The following VWC2L variants were observed in gnomAD, a reference collection of about 807,000 sequenced individuals.
VWC2L encodes von Willebrand factor C domain-containing protein 2-like.
In VWC2L, 10 loss-of-function variants were observed where a neutral mutation model predicts 21.6. The ratio of observed to expected loss-of-function variants is 0.46; its 90% CI spans 0.29 to 0.78. The LOEUF is 0.78. Ranked by LOEUF, VWC2L falls within the 30% of genes least tolerant of loss-of-function variation. The pLI, the probability that VWC2L is intolerant of heterozygous loss-of-function variation, is 0.10. For synonymous variants in VWC2L, 96 were observed against 94.3 expected, an observed-to-expected ratio of 1.02 and a Z score of -0.10; for missense variants, 209 against 277.1, an observed-to-expected ratio of 0.75 and a Z score of 1.74.
chr2:214,415,201 T>C (rs2126168860), intron 2 of VWC2L: 1 of 152,326 alleles, frequency 6.6e-6, no homozygotes, highest in Admixed American at 6.5e-5. Flanking sequence ...AAAAAGACTG[T>C]AATTTTTTTC....
chr2:214,547,986 C>A (rs1689736574), intron 3 of VWC2L, among the ~76,000 whole-genome samples: 2 of 152,198 alleles, frequency 1.3e-5, no homozygotes, highest in Non-Finnish European at 1.5e-5. Context: ...GTTTTTATTT[C>A]TTCTTCCAGA....
chr2:214,558,060 A>C (rs1256151649), intron 3 of VWC2L, among the ~76,000 whole-genome samples: 2 of 152,220 alleles, frequency 1.3e-5, no homozygotes, highest in Non-Finnish European at 2.9e-5. Flanking sequence ...AAGCAAGGTC[A>C]CCAAGGAGCT....
chr2:214,509,657 G>C (rs973355605), intron 3 of VWC2L, among the ~76,000 whole-genome samples: 1 of 152,130 alleles, frequency 6.6e-6, no homozygotes, highest in East Asian at 1.9e-4. Context: ...CTGTGTTTTT[G>C]AGAAGTGAAT....
chr2:214,437,248 T>C (rs1486663594), intron 3 of VWC2L, among the ~76,000 whole-genome samples: 1 of 152,172 alleles, frequency 6.6e-6, no homozygotes, highest in Non-Finnish European at 1.5e-5. Context: ...ATTGAAGTAA[T>C]AAAGATTAAA....
intron 3 of VWC2L, among the ~76,000 whole-genome samples, chr2:214,530,804 A>G (rs1256421818): frequency 1.3e-5 from 2 of 152,206 alleles, no homozygotes; most frequent in Non-Finnish European, 2.9e-5. Flanking sequence ...TCATAAGCAA[A>G]GCTCATTACT....
intron 3 of VWC2L, among the ~76,000 whole-genome samples, chr2:214,507,758 C>A (rs1688987609): frequency 6.6e-6 from 1 of 152,156 alleles, no homozygotes; most frequent in Non-Finnish European, 1.5e-5. Context: ...TATTGAACAG[C>A]CTTGGAGACA....
chr2:214,498,034 G>A (rs1487434692), intron 3 of VWC2L, among the ~76,000 whole-genome samples: 1 of 152,094 alleles, frequency 6.6e-6, no homozygotes, highest in East Asian at 1.9e-4. Context: ...TGTGGCTGAA[G>A]CTAACAGAGG....
intron 3 of VWC2L, among the ~76,000 whole-genome samples, chr2:214,518,096 G>T (rs2105909549): frequency 6.6e-6 from 1 of 152,176 alleles, no homozygotes; most frequent in East Asian, 1.9e-4. Context: ...AACTCAGGAG[G>T]CCGAGCTTGC....
chr2:214,516,563 C>A (rs542488054), intron 3 of VWC2L, among the ~76,000 whole-genome samples: 3 of 151,806 alleles, frequency 2.0e-5, no homozygotes, highest in African/African-American at 7.3e-5. Flanking sequence ...TTCTTTTAAT[C>A]TAAAGAGTGC....
chr2:214,517,363 G>T (rs765056001), intron 3 of VWC2L, among the ~76,000 whole-genome samples: 1 of 152,184 alleles, frequency 6.6e-6, no homozygotes, highest in Non-Finnish European at 1.5e-5. Context: ...AGGTGGAGTT[G>T]CTGCAGGTAA....
chr2:214,484,118 C>T (rs1474268583), intron 3 of VWC2L, among the ~76,000 whole-genome samples: 1 of 152,140 alleles, frequency 6.6e-6, no homozygotes, highest in East Asian at 1.9e-4. Flanking sequence ...CCCTATGCGC[C>T]TGCGTGTCTG....
chr2:214,446,148 C>T (rs1483621972), intron 3 of VWC2L, among the ~76,000 whole-genome samples: 1 of 152,162 alleles, frequency 6.6e-6, no homozygotes, highest in African/African-American at 2.4e-5. Context: ...TAGTGATAAG[C>T]ATAACAGACA....
intron 1 of VWC2L, among the ~76,000 whole-genome samples, chr2:214,412,820 G>A (rs1234858704): frequency 4.6e-5 from 7 of 152,008 alleles, no homozygotes; most frequent in Non-Finnish European, 1.0e-4. Context: ...AATATAATCT[G>A]AAAATAAACC....
chr2:214,443,724 T>G (rs1356442420), intron 3 of VWC2L, among the ~76,000 whole-genome samples: 1 of 152,204 alleles, frequency 6.6e-6, no homozygotes, highest in East Asian at 1.9e-4. Context: ...GAGTTATGTT[T>G]GGTAGGTAAA....
intron 3 of VWC2L, among the ~76,000 whole-genome samples, chr2:214,531,933 G>A (rs1689442415): frequency 6.6e-6 from 1 of 152,098 alleles, no homozygotes; most frequent in Non-Finnish European, 1.5e-5. Context: ...GTAATCTACA[G>A]TGTTTCAATC....
intron 3 of VWC2L, among the ~76,000 whole-genome samples, chr2:214,557,138 G>T (rs528511512): frequency 6.6e-6 from 1 of 152,242 alleles, no homozygotes; most frequent in South Asian, 2.1e-4. Flanking sequence ...ACATGCTGCT[G>T]ATAAAGACAT....
chr2:214,496,706 C>T (rs1487272365), intron 3 of VWC2L, among the ~76,000 whole-genome samples: 1 of 152,134 alleles, frequency 6.6e-6, no homozygotes, highest in Non-Finnish European at 1.5e-5. Flanking sequence ...ACAATTAAAA[C>T]TTCAATAATT....
intron 3 of VWC2L, among the ~76,000 whole-genome samples, chr2:214,569,875 C>G (rs1014553234): frequency 6.6e-6 from 1 of 152,100 alleles, no homozygotes; most frequent in Non-Finnish European, 1.5e-5. Flanking sequence ...TGCTTAACAT[C>G]GTAAGTAAAC....
chr2:214,543,223 T>C (rs917036608), intron 3 of VWC2L, among the ~76,000 whole-genome samples: 4 of 152,214 alleles, frequency 2.6e-5, no homozygotes, highest in African/African-American at 9.6e-5. Context: ...AATGGTTTCA[T>C]TAACACATGT....
Sources: gnomAD v4.1 joint callset for allele counts (sites outside exome capture counted in the v4.1 genomes callset) on GRCh38, gnomAD v4.1.1 for gene constraint, MANE v1.5 for transcripts, NCBI Gene and HGNC (gene_info 2026-07-23, HGNC 2026-07-21) for gene names.